NPAS3: variants seen among roughly 807,000 people sequenced by gnomAD.
NPAS3 encodes neuronal PAS domain-containing protein 3.
NPAS3 carries 14 observed loss-of-function variants against 73.1 expected under a neutral mutation model. That is an observed-to-expected ratio of 0.19 (90% confidence interval 0.13 to 0.30). The LOEUF is 0.30. Ranked by LOEUF, NPAS3 falls within the 10% of genes least tolerant of loss-of-function variation. The pLI is 1.00. For synonymous variants in NPAS3, 620 were observed against 541.5 expected (o/e 1.14, Z -2.01); for missense variants, 1,096 against 1,250.0 (o/e 0.88, Z 1.86).
chr14:33,323,583 G>A (rs2043557390), intron 3 of NPAS3, among the ~76,000 whole-genome samples: 1 of 152,188 alleles, frequency 6.6e-6, no homozygotes, highest in Non-Finnish European at 1.5e-5. Context: ...AATGTATGAG[G>A]AATTATGTAA....
At chr14:33,301,525 T>G (rs1344518739) in intron 3 of NPAS3, among the ~76,000 whole-genome samples, 1 of 151,808 alleles carries the variant, frequency 6.6e-6, no homozygotes, top group Non-Finnish European at 1.5e-5. Context: ...TTTTCAGTGG[T>G]GTACTCCACC....
intron 5 of NPAS3, among the ~76,000 whole-genome samples, chr14:33,565,163 G>A (rs1278867524): frequency 6.6e-6 from 1 of 152,188 alleles, no homozygotes; most frequent in East Asian, 1.9e-4. Flanking sequence ...GGGGGTAAGT[G>A]GTTGTTTTAA....
intron 4 of NPAS3, among the ~76,000 whole-genome samples, chr14:33,493,115 C>T (rs1331674631): frequency 6.6e-6 from 1 of 152,242 alleles, no homozygotes; most frequent in Middle Eastern, 3.4e-3. Context: ...CTCTGTTTCT[C>T]CTTTCATTTG....
At chr14:33,795,484 A>T (rs189286355) in intron 10 of NPAS3, among the ~76,000 whole-genome samples, 1 of 152,336 alleles carries the variant, frequency 6.6e-6, no homozygotes, top group East Asian at 1.9e-4. Context: ...CCAGACAGAA[A>T]ATGGAATAAG....
chr14:33,518,743 C>T lies in NPAS3; in HGVS notation c.469-41378C>T, dbSNP rs182628926. On this transcript the variant is annotated intron_variant, in intron 4 of 11. Coordinates refer to ENST00000356141, the Ensembl canonical transcript of NPAS3. ...CTCAAGTCAAGTCTCTGACCAGCCTCACCCTAACAGAGTTGGGGGCCTCTC... is the reference window on the plus strand; with the variant it reads ...CTCAAGTCAAGTCTCTGACCAGCCTTACCCTAACAGAGTTGGGGGCCTCTC... Among the ~76,000 whole-genome samples the T allele has an allele frequency of 9.2e-4, 139 of 151,796 alleles. 3 individuals are homozygous for T. In the East Asian group the frequency reaches 0.023, roughly 25 times the overall value.
At position 33,051,819 on chromosome 14, in the gene NPAS3, G is replaced by A. The variant is rs767155716; in HGVS notation, c.51-4086G>A. ...CTGTTGCCCAGCCTGGAGTGCAGTG[G>A]TGCGAGCTTGACTCACTGCAACCTC... On this transcript the variant is annotated intron_variant, in intron 1 of 11. Transcript: ENST00000356141. Among the ~76,000 whole-genome samples the A allele has an allele frequency of 5.3e-5, 8 of 152,304 alleles. No homozygotes were observed. In the South Asian group the frequency reaches 1.7e-3, roughly 32 times the overall value.
intron 3 of NPAS3, among the ~76,000 whole-genome samples, chr14:33,229,009 G>C (rs939773831): frequency 3.9e-5 from 6 of 152,110 alleles, no homozygotes; most frequent in African/African-American, 1.4e-4. Context: ...AATTTATTAT[G>C]CATAAATATA....
At chr14:33,473,626 G>A (rs1226303580) in intron 4 of NPAS3, among the ~76,000 whole-genome samples, 1 of 152,110 alleles carries the variant, frequency 6.6e-6, no homozygotes, top group Admixed American at 6.5e-5. Context: ...CACATACATC[G>A]ACAGTTTTAG....
chr14:32,989,343 A>G (rs1282527063), intron 1 of NPAS3, among the ~76,000 whole-genome samples: 1 of 152,194 alleles, frequency 6.6e-6, no homozygotes, highest in Non-Finnish European at 1.5e-5. Flanking sequence ...CTATATTTTG[A>G]GAAGTTATTA....
intron 3 of NPAS3, among the ~76,000 whole-genome samples, chr14:33,261,466 A>G (rs1056145464): frequency 6.6e-6 from 1 of 152,158 alleles, no homozygotes; most frequent in Non-Finnish European, 1.5e-5. Context: ...CATCCATTGT[A>G]CATATATTTA....
chr14:33,637,771 A>G (rs2058564825), intron 5 of NPAS3, among the ~76,000 whole-genome samples: 1 of 152,180 alleles, frequency 6.6e-6, no homozygotes, highest in African/African-American at 2.4e-5. Context: ...ACAAGGTATC[A>G]TTATTACCAT....
intron 5 of NPAS3, among the ~76,000 whole-genome samples, chr14:33,614,711 A>T (rs76137095): frequency 0.019 from 2,886 of 152,296 alleles, 89 homozygotes; most frequent in African/African-American, 0.064. Flanking sequence ...TTAAGCCATT[A>T]TCTAGTTCTT....
chr14:33,627,026 GTA>G (rs146999283), intron 5 of NPAS3, among the ~76,000 whole-genome samples: 19 of 150,606 alleles, frequency 1.3e-4, no homozygotes, highest in East Asian at 9.7e-4. Context: ...ATATTTATAC[GTA>G]TATATATATA....
intron 6 of NPAS3, among the ~76,000 whole-genome samples, chr14:33,678,639 C>T (rs1251841402): frequency 6.6e-6 from 1 of 152,002 alleles, no homozygotes; most frequent in East Asian, 1.9e-4. Flanking sequence ...GGCTACTATA[C>T]TTCTCTTAAT....
chr14:33,368,192 G>T (rs1397141648), intron 4 of NPAS3, among the ~76,000 whole-genome samples: 1 of 151,686 alleles, frequency 6.6e-6, no homozygotes, highest in Admixed American at 6.6e-5. Flanking sequence ...TGTTCATTCA[G>T]AGTTTATAAA....
intron 4 of NPAS3, among the ~76,000 whole-genome samples, chr14:33,405,324 G>A (rs1235935415): frequency 4.6e-5 from 7 of 152,072 alleles, no homozygotes; most frequent in Admixed American, 3.9e-4. Context: ...AGCTGAAATT[G>A]AATCTTCCAT....
chr14:33,164,699 T>C (rs1162211118), intron 2 of NPAS3, among the ~76,000 whole-genome samples: 2 of 152,176 alleles, frequency 1.3e-5, no homozygotes, highest in Admixed American at 6.5e-5. Flanking sequence ...TAAATTTCTT[T>C]CGTATTCCTG....
rs180830890 is a variant in NPAS3 at position 33,481,924 on chromosome 14, A to C, written c.469-78197A>C. Among the ~76,000 whole-genome samples, 568 of 152,276 alleles carry C rather than the reference A, an allele frequency of 3.7e-3. 4 individuals are homozygous for C. Among genetic ancestry groups the C allele is most frequent in the African/African-American group, 0.013 (543 of 41,570 alleles). On this transcript the variant is annotated intron_variant, in intron 4 of 11. Transcript: ENST00000356141. ...TGAAAAGATGCTATGTAAAAAGGCA[A>C]GAAAAGAAATTTAAAAATAAAAGAT...
chr14:33,058,323 G>A (rs1211886884), intron 2 of NPAS3, among the ~76,000 whole-genome samples: 54 of 152,154 alleles, frequency 3.5e-4, no homozygotes, highest in Non-Finnish European at 1.8e-4. Context: ...TTCTGGTGAA[G>A]GGGTAACTGT....
Sources: gnomAD v4.1 joint callset for allele counts (sites outside exome capture counted in the v4.1 genomes callset) on GRCh38, gnomAD v4.1.1 for gene constraint, MANE v1.5 for transcripts, NCBI Gene and HGNC (gene_info 2026-07-23, HGNC 2026-07-21) for gene names.